The following NOX4 variants were observed in gnomAD, a reference collection of about 807,000 sequenced individuals.
The protein encoded by NOX4 is NADPH oxidase 4, also known as kidney oxidase-1.
A neutral mutation model predicts 87.6 loss-of-function variants in NOX4; 69 were observed. The ratio of observed to expected loss-of-function variants is 0.79; its 90% CI spans 0.65 to 0.96. The LOEUF (loss-of-function observed/expected upper bound fraction) is 0.96. Among genes scored for constraint, NOX4 ranks in the 40% least tolerant of loss-of-function variants. The pLI is 0.00. For missense variants in NOX4, 680 were observed against 681.5 expected, an observed-to-expected ratio of 1.00 and a Z score of 0.02; for synonymous variants, 275 against 238.2, an observed-to-expected ratio of 1.15 and a Z score of -1.42.
rs59319897 is a variant in NOX4 at position 89,444,466 on chromosome 11, A to AACACACACACACAC, written c.350-248_350-235dup. Among the ~76,000 whole-genome samples, 821 of 147,216 alleles carry AACACACACACACAC rather than the reference A, an allele frequency of 5.6e-3. 4 individuals carry two copies. Among genetic ancestry groups the AACACACACACACAC allele is most frequent in the African/African-American group, 0.019 (767 of 39,638 alleles). On this transcript the variant is annotated intron_variant, in intron 4 of 17. Transcript: ENST00000263317. ...ACCCTAGTAAGTCAGGGATAAGAGA[A>AACACACACACACAC]ACACACACACACACACACACACACA...
At chr11:89,336,008 A>G (rs12799141) in intron 16 of NOX4, 63 bp from the exon 17 acceptor site, 32 of 1,020,694 alleles carry the variant, frequency 3.1e-5, no homozygotes, top group Non-Finnish European at 4.4e-5. Flanking sequence ...CTCTAACATC[A>G]TTTCTGCTGG....
At chr11:89,438,991 TTAATA>T (rs1944336446) in intron 6 of NOX4, among the ~76,000 whole-genome samples, 2 of 104,278 alleles carry the variant, frequency 1.9e-5, no homozygotes, top group African/African-American at 3.5e-5. Context: ...TATTATATTA[TTAATA>T]TAATATTAGT....
At chr11:89,359,046 G>C (rs912048474) in intron 12 of NOX4, among the ~76,000 whole-genome samples, 2 of 151,988 alleles carry the variant, frequency 1.3e-5, no homozygotes, top group African/African-American at 4.8e-5. Context: ...ATTAACACAA[G>C]CTTTTGTAGA....
intron 7 of NOX4, among the ~76,000 whole-genome samples, chr11:89,426,060 T>C (rs1391793799): frequency 1.3e-5 from 2 of 152,170 alleles, no homozygotes; most frequent in East Asian, 3.9e-4. Flanking sequence ...AAAGTGCTCC[T>C]GATAATGTGT....
the NOX4 span, among the ~76,000 whole-genome samples, chr11:89,549,841 C>T: frequency 1.8e-4 from 28 of 152,046 alleles, no homozygotes; most frequent in East Asian, 5.8e-4. Context: ...TTCTTTTTTA[C>T]GGCTGCATAG....
chr11:89,574,780 C>G, the NOX4 span, among the ~76,000 whole-genome samples: 1 of 152,238 alleles, frequency 6.6e-6, no homozygotes, highest in Admixed American at 6.5e-5. Flanking sequence ...AGTGCTATCT[C>G]AAACATTCAT....
At chr11:89,481,182 T>C (rs928343880) in intron 2 of NOX4, among the ~76,000 whole-genome samples, 2 of 152,084 alleles carry the variant, frequency 1.3e-5, no homozygotes, top group South Asian at 2.1e-4. Context: ...TCATCTCATA[T>C]GCTCAGCATC....
At chr11:89,461,647 A>AAAAATAAATAAATAAATAAAT (rs143756693) in intron 2 of NOX4, among the ~76,000 whole-genome samples, 3 of 145,634 alleles carry the variant, frequency 2.1e-5, no homozygotes, top group Non-Finnish European at 4.5e-5. Context: ...TCCATCTCAA[A>AAAAATAAATAAATAAATAAAT]AAATAAATAA....
intron 8 of NOX4, among the ~76,000 whole-genome samples, chr11:89,415,085 T>C (rs1312345335): frequency 3.9e-5 from 6 of 151,988 alleles, no homozygotes; most frequent in Non-Finnish European, 7.4e-5. Flanking sequence ...TAATTTAATC[T>C]TTCATGCTTC....
chr11:89,484,315 T>G (rs1030394075), intron 2 of NOX4, among the ~76,000 whole-genome samples: 1 of 152,056 alleles, frequency 6.6e-6, no homozygotes, highest in Non-Finnish European at 1.5e-5. Flanking sequence ...TCAGAATAAA[T>G]TTAAATAAAA....
chr11:89,563,437 G>A, the NOX4 span, among the ~76,000 whole-genome samples: 4 of 152,014 alleles, frequency 2.6e-5, no homozygotes, highest in Non-Finnish European at 5.9e-5. Flanking sequence ...TGGCTCCTTG[G>A]GAGATTGATA....
chr11:89,557,849 T>A, the NOX4 span, among the ~76,000 whole-genome samples: 4 of 152,172 alleles, frequency 2.6e-5, no homozygotes, highest in Admixed American at 2.0e-4. Flanking sequence ...AAGATACTTG[T>A]AGAAAATTAA....
At chr11:89,546,524 T>A in the NOX4 span, 1 of 152,188 alleles carries the variant, frequency 6.6e-6, no homozygotes, top group Non-Finnish European at 1.5e-5. Context: ...GTGATCTGAA[T>A]CCATTTATAT....
chr11:89,378,429 C>T (rs749243629), intron 11 of NOX4, among the ~76,000 whole-genome samples: 68 of 152,226 alleles, frequency 4.5e-4, no homozygotes, highest in Non-Finnish European at 7.6e-4. Context: ...TCTCACTCCC[C>T]TGAACCCTTA....
upstream of NOX4, among the ~76,000 whole-genome samples, chr11:89,493,177 G>C (rs922586773): frequency 1.3e-5 from 2 of 152,180 alleles, no homozygotes; most frequent in South Asian, 4.1e-4. Flanking sequence ...ACGGAGTCAG[G>C]AGATGGAGGC....
chr11:89,480,532 C>G (rs1473940924), intron 2 of NOX4, among the ~76,000 whole-genome samples: 1 of 152,088 alleles, frequency 6.6e-6, no homozygotes, highest in East Asian at 1.9e-4. Context: ...TTTTATGAGG[C>G]TGTGAAGGAT....
intron 11 of NOX4, among the ~76,000 whole-genome samples, chr11:89,380,295 A>G (rs1940182577): frequency 6.6e-6 from 1 of 152,172 alleles, no homozygotes; most frequent in African/African-American, 2.4e-5. Flanking sequence ...AAGTGGAAAA[A>G]AGTGTTTCAG....
chr11:89,387,530 G>T (rs1940801535), intron 11 of NOX4, among the ~76,000 whole-genome samples: 4 of 152,096 alleles, frequency 2.6e-5, no homozygotes, highest in Admixed American at 2.6e-4. Context: ...AAGCCTGTTT[G>T]GTGGTCTCTT....
chr11:89,397,644 T>C (rs944488587), intron 11 of NOX4, among the ~76,000 whole-genome samples: 11 of 151,892 alleles, frequency 7.2e-5, no homozygotes, highest in Non-Finnish European at 1.2e-4. Context: ...TGACCACTGA[T>C]CCCACAGAAA....
Sources: allele counts gnomAD v4.1 joint callset (sites outside exome capture counted in the v4.1 genomes callset), GRCh38; gene constraint gnomAD v4.1.1; transcripts MANE v1.5; gene names NCBI Gene and HGNC (gene_info 2026-07-23, HGNC 2026-07-21).